The following DLGAP2 variants were observed in gnomAD, a reference collection of about 807,000 sequenced individuals.
DLGAP2 encodes the protein DLG associated protein 2.
Under a neutral mutation model 100.3 loss-of-function variants are expected in DLGAP2, and 26 were observed. The ratio of observed to expected loss-of-function variants is 0.26; its 90% CI spans 0.19 to 0.36. The LOEUF is 0.36. Among genes scored for constraint, DLGAP2 ranks in the 10% least tolerant of loss-of-function variants. The probability of loss-of-function intolerance (pLI) is 1.00; values close to 1 mark genes in which losing one functional copy is unlikely to be tolerated. For synonymous variants in DLGAP2, 886 were observed against 630.1 expected (o/e 1.41, Z -6.08); for missense variants, 1,858 against 1,453.2 (o/e 1.28, Z -4.53).
chr8:761,884 G>A (rs769837062), intron 1 of DLGAP2, among the ~76,000 whole-genome samples: 11 of 152,226 alleles, frequency 7.2e-5, no homozygotes, highest in African/African-American at 1.4e-4. Flanking sequence ...ATGGGGAAAC[G>A]TTGGCCTCAA....
chr8:1,632,162 C>G (rs1797663371), intron 7 of DLGAP2, among the ~76,000 whole-genome samples: 2 of 151,928 alleles, frequency 1.3e-5, no homozygotes, highest in African/African-American at 4.8e-5. Flanking sequence ...ATATCCTAAG[C>G]TAAGGAAGAA....
At chr8:1,390,410 G>A (rs982535729) in intron 3 of DLGAP2, among the ~76,000 whole-genome samples, 1 of 151,452 alleles carries the variant, frequency 6.6e-6, no homozygotes, top group Non-Finnish European at 1.5e-5. Flanking sequence ...TAAGTTTTTT[G>A]TATGCATAAA....
chr8:752,756 G>A (rs1055080356), intron 1 of DLGAP2, among the ~76,000 whole-genome samples: 4 of 152,124 alleles, frequency 2.6e-5, no homozygotes, highest in African/African-American at 9.7e-5. Context: ...TGCTTGTGAC[G>A]GGATGCTGTG....
chr8:1,517,367 C>T (rs1350689385), intron 4 of DLGAP2, among the ~76,000 whole-genome samples: 1 of 152,024 alleles, frequency 6.6e-6, no homozygotes, highest in African/African-American at 2.4e-5. Context: ...AGAGAGCACG[C>T]CATGAGGGAG....
chr8:1,329,229 T>C (rs1801093715), intron 3 of DLGAP2, among the ~76,000 whole-genome samples: 1 of 152,234 alleles, frequency 6.6e-6, no homozygotes, highest in African/African-American at 2.4e-5. Context: ...AGTCAGTCTT[T>C]AAAAGTATCT....
intron 3 of DLGAP2, among the ~76,000 whole-genome samples, chr8:1,275,669 G>C (rs1260997451): frequency 1.4e-5 from 2 of 145,594 alleles, no homozygotes; most frequent in African/African-American, 5.1e-5. Context: ...CTGGAACTTT[G>C]TCCCTGTATG....
chr8:950,378 A>G (rs1282794663), intron 2 of DLGAP2, among the ~76,000 whole-genome samples: 1 of 152,170 alleles, frequency 6.6e-6, no homozygotes, highest in East Asian at 1.9e-4. Context: ...CAACCTTTTA[A>G]TTATTCAAAG....
chr8:821,604 G>T (rs1367518488), intron 1 of DLGAP2, among the ~76,000 whole-genome samples: 1 of 152,140 alleles, frequency 6.6e-6, no homozygotes, highest in East Asian at 1.9e-4. Context: ...TTGTCTCCTG[G>T]AAAGAAAATG....
At chr8:1,007,811 C>G (rs1014335118) in intron 2 of DLGAP2, among the ~76,000 whole-genome samples, 1 of 152,138 alleles carries the variant, frequency 6.6e-6, no homozygotes, top group African/African-American at 2.4e-5. Flanking sequence ...AAGGACAATG[C>G]TTTTGGTTAA....
chr8:1,056,072 C>G (rs1220542817), intron 2 of DLGAP2, among the ~76,000 whole-genome samples: 1 of 152,178 alleles, frequency 6.6e-6, no homozygotes, highest in Non-Finnish European at 1.5e-5. Flanking sequence ...CAATATTTCA[C>G]CACTGAGTAA....
intron 6 of DLGAP2, among the ~76,000 whole-genome samples, chr8:1,617,112 A>G (rs1037869843): frequency 1.3e-5 from 2 of 151,342 alleles, no homozygotes; most frequent in Non-Finnish European, 3.0e-5. Context: ...CATGCACCAC[A>G]TTTTCTTTAT....
At chr8:1,383,689 G>C (rs1169506309) in intron 3 of DLGAP2, among the ~76,000 whole-genome samples, 1 of 152,198 alleles carries the variant, frequency 6.6e-6, no homozygotes, top group Non-Finnish European at 1.5e-5. Context: ...CCAGGGCTGA[G>C]GCTCTTCTCT....
At chr8:1,649,675 G>A (rs117108829) in intron 8 of DLGAP2, among the ~76,000 whole-genome samples, 1 of 151,952 alleles carries the variant, frequency 6.6e-6, no homozygotes, top group Admixed American at 6.6e-5. Flanking sequence ...TATCTATGAA[G>A]GTAGGAAAAA....
chr8:1,353,716 A>C (rs945468376), intron 3 of DLGAP2, among the ~76,000 whole-genome samples: 2 of 152,248 alleles, frequency 1.3e-5, no homozygotes, highest in Non-Finnish European at 2.9e-5. Flanking sequence ...TAGTAAGAAA[A>C]ATAATTTACT....
intron 2 of DLGAP2, among the ~76,000 whole-genome samples, chr8:1,110,794 C>T (rs1804932607): frequency 6.7e-6 from 1 of 149,620 alleles, no homozygotes; most frequent in South Asian, 2.1e-4. Context: ...CTCTCTCTCA[C>T]ATACAGCTTT....
chr8:1,200,387 G>A (rs1165449925), intron 2 of DLGAP2, among the ~76,000 whole-genome samples: 1 of 152,224 alleles, frequency 6.6e-6, no homozygotes, highest in African/African-American at 2.4e-5. Context: ...GCTTTCCGAT[G>A]TATTTCCTCA....
intron 8 of DLGAP2, among the ~76,000 whole-genome samples, chr8:1,650,169 A>G (rs1798130260): frequency 6.6e-6 from 1 of 152,218 alleles, no homozygotes; most frequent in East Asian, 1.9e-4. Flanking sequence ...AACCATTTCG[A>G]TCAATTACAC....
chr8:766,107 T>C (rs891297945), intron 1 of DLGAP2, among the ~76,000 whole-genome samples: 8 of 152,062 alleles, frequency 5.3e-5, no homozygotes, highest in Non-Finnish European at 1.2e-4. Context: ...GCGGAGGTTG[T>C]AGTGAGTCGA....
intron 3 of DLGAP2, among the ~76,000 whole-genome samples, chr8:1,355,127 T>A (rs970741875): frequency 6.6e-6 from 1 of 151,986 alleles, no homozygotes; most frequent in African/African-American, 2.4e-5. Context: ...AAATGTGCGT[T>A]GTATGTTTTA....
Sources: gnomAD v4.1 joint callset for allele counts (sites outside exome capture counted in the v4.1 genomes callset) on GRCh38, gnomAD v4.1.1 for gene constraint, MANE v1.5 for transcripts, NCBI Gene and HGNC (gene_info 2026-07-23, HGNC 2026-07-21) for gene names.